The following PRRG1 variants were observed in gnomAD, a reference collection of about 807,000 sequenced individuals.
The protein encoded by PRRG1 is transmembrane gamma-carboxyglutamic acid protein 1.
PRRG1 carries 5 observed loss-of-function variants against 11.8 expected under a neutral mutation model. The ratio of observed to expected loss-of-function variants is 0.42; its 90% CI spans 0.22 to 0.89. The LOEUF is 0.89. Ranked by LOEUF, PRRG1 falls within the 40% of genes least tolerant of loss-of-function variation. The pLI, the probability that PRRG1 is intolerant of heterozygous loss-of-function variation, is 0.28. For missense variants in PRRG1, 155 were observed against 166.1 expected (o/e 0.93, Z 0.37); for synonymous variants, 66 against 60.4 (o/e 1.09, Z -0.43).
intron 1 of PRRG1, among the ~76,000 whole-genome samples, chrX:37,370,434 A>G (rs1930728641): frequency 9.0e-6 from 1 of 111,542 alleles, no homozygotes; most frequent in African/African-American, 3.3e-5. Flanking sequence ...AGGTACGACC[A>G]AGGCTGCTCA....
chrX:37,353,347 C>T (rs1472491931), intron 1 of PRRG1, among the ~76,000 whole-genome samples: 3 of 112,020 alleles, frequency 2.7e-5, no homozygotes, highest in Admixed American at 1.9e-4. Context: ...ATGTTTTAAG[C>T]TCAGTATTAT....
rs1161587918 is a variant in PRRG1, at chrX:37,399,971, G to T, written c.-41-6238G>T. The stretch of plus-strand genomic sequence containing the variant: ...TATGCACCCAATACAGGAGCACCCA[G>T]ATTCATAAAGCAAGTCCTGAGTGAC... On this transcript the variant is annotated intron_variant, in intron 1 of 3. Coordinates refer to ENST00000378628, the MANE Select transcript of PRRG1 (RefSeq NM_001142395.2). Among the ~76,000 whole-genome samples the T allele has an allele frequency of 6.6e-4, 74 of 111,466 alleles. 1 individual carries two copies. Among genetic ancestry groups the T allele is most frequent in the African/African-American group, 2.4e-3 (72 of 30,628 alleles).
At chrX:37,435,850 A>G (rs1004068182) in intron 3 of PRRG1, among the ~76,000 whole-genome samples, 38 of 111,653 alleles carry the variant, frequency 3.4e-4, no homozygotes, top group African/African-American at 1.2e-3. Flanking sequence ...AATATAATCT[A>G]AAAAAAGTGT....
At chrX:37,439,840 C>A (rs1236467059) in intron 3 of PRRG1, among the ~76,000 whole-genome samples, 1 of 92,388 alleles carries the variant, frequency 1.1e-5, no homozygotes, top group African/African-American at 4.6e-5. Context: ...CACTCTGTTG[C>A]CCAGGCTGGA....
chrX:37,349,479 G>T (rs1929980816), intron 1 of PRRG1, 84 bp downstream of exon 1: 1 of 112,620 alleles, frequency 8.9e-6, no homozygotes, highest in African/African-American at 3.2e-5. Flanking sequence ...GGTGTGTGGG[G>T]GTGACTTCGG....
At chrX:37,444,094 G>T (rs978827414) in intron 3 of PRRG1, among the ~76,000 whole-genome samples, 3 of 111,945 alleles carry the variant, frequency 2.7e-5, no homozygotes, top group Non-Finnish European at 3.8e-5. Flanking sequence ...TTTCATAACT[G>T]TAACACTTTC....
rs782288032 is a variant in PRRG1 at position 37,353,392 on chromosome X, G to A, written c.-42+3997G>A. On this transcript the variant is annotated intron_variant, in intron 1 of 3. Transcript: ENST00000378628. ...GTCAAAAAGTTTAAAATATTAAAAA[G>A]TTTATGTAGTAAAGAAGTTATAGTA... 4.8e-3 allele frequency among the ~76,000 whole-genome samples: 541 copies of A among 112,337 alleles called. 1 individual carries two copies. The highest frequency in any genetic ancestry group is 7.9e-3 in the Non-Finnish European group (422 of 53,203).
At chrX:37,406,901 A>G (rs1228677242) in intron 2 of PRRG1, among the ~76,000 whole-genome samples, 1 of 111,943 alleles carries the variant, frequency 8.9e-6, no homozygotes, top group Non-Finnish European at 1.9e-5. Flanking sequence ...AAATAATCAA[A>G]AGGGTCAGAA....
At chrX:37,380,884 G>A (rs1556373610) in intron 1 of PRRG1, among the ~76,000 whole-genome samples, 1 of 111,345 alleles carries the variant, frequency 9.0e-6, no homozygotes, top group East Asian at 2.8e-4. Flanking sequence ...TTGGCTGATT[G>A]ATCCCAGGGC....
chrX:37,378,047 A>G (rs1329054509), intron 1 of PRRG1, among the ~76,000 whole-genome samples: 2 of 112,103 alleles, frequency 1.8e-5, no homozygotes, highest in African/African-American at 6.5e-5. Context: ...AATGTGAAAA[A>G]CAATTTTAGA....
At chrX:37,396,542 A>T (rs1296308812) in intron 1 of PRRG1, among the ~76,000 whole-genome samples, 1 of 111,209 alleles carries the variant, frequency 9.0e-6, no homozygotes, top group Non-Finnish European at 1.9e-5. Context: ...CCTGCTGCCA[A>T]TCATGTAAGA....
At chrX:37,448,321 G>GCAACCAAT (rs1920996664) in intron 3 of PRRG1, among the ~76,000 whole-genome samples, 1 of 111,859 alleles carries the variant, frequency 8.9e-6, no homozygotes, top group Non-Finnish European at 1.9e-5. Flanking sequence ...CACCTGACCT[G>GCAACCAAT]TGAGCAGTCA....
At chrX:37,431,662 T>C (rs2146614533) in intron 3 of PRRG1, among the ~76,000 whole-genome samples, 1 of 112,279 alleles carries the variant, frequency 8.9e-6, no homozygotes, top group South Asian at 3.7e-4. Context: ...TTTTCAGATA[T>C]ATGGTTTCTA....
At chrX:37,400,396 G>A (rs1157591518) in intron 1 of PRRG1, among the ~76,000 whole-genome samples, 3 of 111,288 alleles carry the variant, frequency 2.7e-5, no homozygotes, top group South Asian at 3.8e-4. Flanking sequence ...GGTACATAAC[G>A]AAATGAAGGC....
chrX:37,394,214 A>G (rs1326762135), intron 1 of PRRG1, among the ~76,000 whole-genome samples: 1 of 112,195 alleles, frequency 8.9e-6, no homozygotes, highest in Non-Finnish European at 1.9e-5. Flanking sequence ...TGAAGGATGT[A>G]GAAGCAGAAA....
intron 1 of PRRG1, chrX:37,386,556 T>C (rs1931336264): frequency 8.9e-6 from 1 of 112,239 alleles, no homozygotes; most frequent in Non-Finnish European, 1.9e-5. Flanking sequence ...ATACTTACAT[T>C]TGCTCACACA....
At chrX:37,411,426 GGC>G (rs1255092914) in intron 2 of PRRG1, among the ~76,000 whole-genome samples, 1 of 111,470 alleles carries the variant, frequency 9.0e-6, no homozygotes, top group African/African-American at 3.3e-5. Context: ...CTGACCAACT[GGC>G]ATATTCATGA....
chrX:37,398,348 G>A (rs1556378922), intron 1 of PRRG1, among the ~76,000 whole-genome samples: 1 of 112,047 alleles, frequency 8.9e-6, no homozygotes, highest in African/African-American at 3.2e-5. Context: ...TGCAGCCACC[G>A]CTGCTGATAC....
At chrX:37,438,430 C>CTTTTTTTTT (rs782783420) in intron 3 of PRRG1, among the ~76,000 whole-genome samples, 1 of 69,043 alleles carries the variant, frequency 1.4e-5, no homozygotes, top group African/African-American at 5.8e-5. Flanking sequence ...GAATTTTTTC[C>CTTTTTTTTT]TTTTTTTTTT....
Sources: allele counts gnomAD v4.1 joint callset (sites outside exome capture counted in the v4.1 genomes callset), GRCh38; gene constraint gnomAD v4.1.1; transcripts MANE v1.5; gene names NCBI Gene and HGNC (gene_info 2026-07-23, HGNC 2026-07-21).